Variants in BMP7 observed in about 807,000 individuals in gnomAD.
BMP7 encodes the protein bone morphogenetic protein 7.
BMP7 carries 12 observed loss-of-function variants against 41.2 expected under a neutral mutation model. The observed-to-expected ratio is 0.29, with a 90% confidence interval of 0.19 to 0.47. BMP7 has a LOEUF of 0.47. Ranked by LOEUF, BMP7 falls within the 20% of genes least tolerant of loss-of-function variation. The pLI is 0.99. For missense variants in BMP7, 467 were observed against 606.0 expected, an observed-to-expected ratio of 0.77 and a Z score of 2.41; for synonymous variants, 248 against 250.0, an observed-to-expected ratio of 0.99 and a Z score of 0.07.
At chr20:57,201,999 C>T (rs1014969462) in intron 3 of BMP7, among the ~76,000 whole-genome samples, 16 of 152,166 alleles carry the variant, frequency 1.1e-4, no homozygotes, top group African/African-American at 3.4e-4. Context: ...CACAATCTGG[C>T]GATGTCTGGA....
chr20:57,242,087 C>A (rs1407614261), intron 1 of BMP7, among the ~76,000 whole-genome samples: 1 of 152,204 alleles, frequency 6.6e-6, no homozygotes, highest in Non-Finnish European at 1.5e-5. Context: ...TGGGTTCCAA[C>A]CCCATCCTCA....
intron 2 of BMP7, among the ~76,000 whole-genome samples, chr20:57,225,309 A>G (rs1000074303): frequency 1.3e-5 from 2 of 152,042 alleles, no homozygotes; most frequent in Non-Finnish European, 2.9e-5. Context: ...GAATTAGGGG[A>G]ATTGGCTCGG....
At chr20:57,212,084 T>A (rs768764958) in intron 2 of BMP7, among the ~76,000 whole-genome samples, 4 of 152,052 alleles carry the variant, frequency 2.6e-5, no homozygotes, top group African/African-American at 4.8e-5. Context: ...TGGGCGTGCG[T>A]AGCACACAAG....
At chr20:57,199,593 GC>G (rs910251947) in intron 3 of BMP7, among the ~76,000 whole-genome samples, 2 of 152,080 alleles carry the variant, frequency 1.3e-5, no homozygotes, top group Non-Finnish European at 2.9e-5. Flanking sequence ...TGTGCAGTTT[GC>G]CCCCTAGGGT....
intron 3 of BMP7, among the ~76,000 whole-genome samples, chr20:57,187,825 C>G (rs1010634915): frequency 6.6e-6 from 1 of 152,292 alleles, no homozygotes. Context: ...TGTTCTTGCC[C>G]CTTTCCTAGA....
At chr20:57,262,724 G>GCCCC (rs113487639) in intron 1 of BMP7, among the ~76,000 whole-genome samples, 17 of 151,432 alleles carry the variant, frequency 1.1e-4, no homozygotes, top group African/African-American at 4.1e-4. Flanking sequence ...CCTCACCCAT[G>GCCCC]CCCCCCCCGC....
At chr20:57,234,832 C>G (rs2066041711) in intron 1 of BMP7, among the ~76,000 whole-genome samples, 1 of 152,258 alleles carries the variant, frequency 6.6e-6, no homozygotes, top group Non-Finnish European at 1.5e-5. Context: ...CCTCATAAAT[C>G]TTCTGCATTG....
intron 4 of BMP7, among the ~76,000 whole-genome samples, chr20:57,177,318 G>A (rs1478694702): frequency 6.6e-6 from 1 of 151,866 alleles, no homozygotes; most frequent in African/African-American, 2.4e-5. Context: ...CTCCCTGCTG[G>A]GGACTGAAAA....
At chr20:57,245,363 A>G (rs1430531018) in intron 1 of BMP7, among the ~76,000 whole-genome samples, 1 of 152,106 alleles carries the variant, frequency 6.6e-6, no homozygotes, top group African/African-American at 2.4e-5. Context: ...TATTTTTTAT[A>G]GAGATAGGGT....
Position 57,171,118 on chromosome 20 carries a change from A to C in BMP7, c.1147-10T>G. ...GGTTGATGAAGTGGACCTGAAACAC[A>C]CACCAAAACATGGGCAGTGGTGAGA... On this transcript the variant is annotated splice_polypyrimidine_tract_variant and intron_variant, in intron 6 of 6. Coordinates refer to ENST00000395863, the MANE Select transcript of BMP7 (RefSeq NM_001719.3). The surrounding 1 kb of genome is among the most constrained non-coding windows in gnomAD (Gnocchi z 4.5). 2.5e-6 allele frequency: 4 copies of C among 1,614,194 alleles called. No homozygotes were observed. Among genetic ancestry groups the C allele is most frequent in the Non-Finnish European group, 3.4e-6 (4 of 1,180,018 alleles).
chr20:57,265,600 C>A lies in BMP7; in HGVS notation c.418+105G>T, dbSNP rs544168845. 195 of 1,501,060 alleles carry A rather than the reference C, an allele frequency of 1.3e-4. No homozygotes were observed. The South Asian group carries it at 2.3e-3, about 18-fold the overall frequency. The allele number at this position is 1,501,060 out of a possible 1,614,324, so 93.0% of individuals were successfully genotyped here. A position where few individuals can be genotyped will look rare whatever the true frequency, so the allele number is the denominator to read the frequency against. The stretch of plus-strand genomic sequence containing the variant: ...CTCGGGCAGGCACTGCGATTTCAGC[C>A]AGGAGCGGAAAGCTGGGCGGGCTGC... On this transcript the variant is annotated intron_variant, in intron 1 of 6. Transcript: ENST00000395863.
chr20:57,265,564 G>A, intron 1 of BMP7, 141 bp downstream of exon 1: 1 of 1,346,702 alleles, frequency 7.4e-7, no homozygotes, highest in Admixed American at 2.0e-5. Flanking sequence ...TAGGGCTGTG[G>A]GTGGGAGACC....
intron 3 of BMP7, among the ~76,000 whole-genome samples, chr20:57,191,294 C>G (rs1195694923): frequency 6.6e-6 from 1 of 152,126 alleles, no homozygotes; most frequent in Non-Finnish European, 1.5e-5. Flanking sequence ...CTGGGGTGCT[C>G]CAGAGGCAAG....
Position 57,237,444 on chromosome 20 carries a change from C to T in BMP7, c.419-9023G>A, listed in dbSNP as rs969710278. On this transcript the variant is annotated intron_variant, in intron 1 of 6. Coordinates refer to ENST00000395863, the MANE Select transcript of BMP7 (RefSeq NM_001719.3). Reference sequence around the variant, plus strand: ...AGAACTCACTGGAGCTGACTTATCCCGGCTGCTGTTAGGAGGCAGTTTACG... The same window carrying T: ...AGAACTCACTGGAGCTGACTTATCCTGGCTGCTGTTAGGAGGCAGTTTACG... Among the ~76,000 whole-genome samples, 9 of 152,212 alleles carry T rather than the reference C, an allele frequency of 5.9e-5. 1 individual carries two copies. In the South Asian group the frequency reaches 1.7e-3, roughly 28 times the overall value.
rs1164385783 is a variant in BMP7, at chr20:57,265,968, C to G, written c.155G>C (p.Arg52Pro). The G allele has an allele frequency of 1.3e-6, 2 of 1,551,532 alleles. No homozygotes were observed. Among genetic ancestry groups the G allele is most frequent in the African/African-American group, 2.7e-5 (2 of 73,108 alleles). ...IHRRLRSQER[R>P]EMQREILSIL... ...GGAGAGGATCTCGCGCTGCATCTCC[C>G]GCCGCTCCTGGCTGCGGAGGCGCCG... Residue 52 changes from arginine (R) to proline (P), a missense_variant, in exon 1 of 7, where the codon CGG (arginine) becomes CCG (proline). By Grantham distance (103) the Arg-to-Pro change is moderately radical. This residue lies in a region of BMP7 where 407 missense variants were observed against 485.9 expected (regional missense o/e 0.84). Coordinates refer to ENST00000395863, the MANE Select transcript of BMP7 (RefSeq NM_001719.3).
rs1002259250 is a variant in BMP7, at chr20:57,213,661, G to A, written c.612-11038C>T. The stretch of plus-strand genomic sequence containing the variant: ...CATTAGAGACACAGCCACCAGCAGA[G>A]ACAATCAGGGGGTGAGAGGCCCGGA... On this transcript the variant is annotated intron_variant, in intron 2 of 6. Transcript: ENST00000395863. The surrounding 1 kb of genome is among the most constrained non-coding windows in gnomAD (Gnocchi z 4.4). Among the ~76,000 whole-genome samples, 2 of 152,194 alleles carry A rather than the reference G, an allele frequency of 1.3e-5. No individual in the cohort carries two copies. Among genetic ancestry groups the A allele is most frequent in the Non-Finnish European group, 2.9e-5 (2 of 68,044 alleles).
At chr20:57,223,302 G>C (rs1210198954) in intron 2 of BMP7, among the ~76,000 whole-genome samples, 1 of 152,150 alleles carries the variant, frequency 6.6e-6, no homozygotes, top group Middle Eastern at 3.4e-3. Flanking sequence ...AGAAATTAGA[G>C]AGATCTTAGC....
In BMP7 at chr20:57,170,656, C is replaced by T. The variant is rs45581335; in HGVS notation, c.*303G>A. ...TCATAATTACCTCTGGAAACGAGTC[C>T]GTGCATGGCTGAGACTTCCCAGCCA... On this transcript the variant is annotated 3_prime_UTR_variant, in exon 7 of 7. Transcript: ENST00000395863. 1,856 of 381,878 alleles carry T rather than the reference C, an allele frequency of 4.9e-3. 6 individuals carry two copies. Among genetic ancestry groups the T allele is most frequent in the Middle Eastern group, 0.013 (15 of 1,148 alleles). 23.7% of individuals were successfully genotyped at this position (381,878 alleles called of 1,614,324 possible). A position where few individuals can be genotyped will look rare whatever the true frequency, so the allele number is the denominator to read the frequency against.
intron 2 of BMP7, among the ~76,000 whole-genome samples, chr20:57,209,401 C>T (rs1390012920): frequency 1.3e-5 from 2 of 151,320 alleles, no homozygotes; most frequent in African/African-American, 4.9e-5. Context: ...GCTGTGATCA[C>T]GCTATTGCAC....
Sources: allele counts gnomAD v4.1 joint callset (sites outside exome capture counted in the v4.1 genomes callset), GRCh38; gene constraint gnomAD v4.1.1; regional missense constraint gnomAD v4.1.1; non-coding constraint Gnocchi (gnomAD v3.1); transcripts MANE v1.5; gene names NCBI Gene and HGNC (gene_info 2026-07-23, HGNC 2026-07-21).